Variants in PRKCA observed in about 807,000 individuals in gnomAD.
The protein encoded by PRKCA is protein kinase C alpha.
PRKCA carries 27 observed loss-of-function variants against 87.0 expected under a neutral mutation model. That is an observed-to-expected ratio of 0.31 (90% CI 0.23 to 0.43). PRKCA has a LOEUF of 0.43. Ranked by LOEUF, PRKCA falls within the 20% of genes least tolerant of loss-of-function variation. The pLI is 1.00. For missense variants in PRKCA, 518 were observed against 852.3 expected (o/e 0.61, Z 4.88); for synonymous variants, 329 against 311.1 (o/e 1.06, Z -0.61).
At chr17:66,507,536 A>G (rs1917030785) in intron 3 of PRKCA, among the ~76,000 whole-genome samples, 1 of 152,250 alleles carries the variant, frequency 6.6e-6, no homozygotes. Context: ...CTGAGACATT[A>G]ACAGTAAAAA....
At chr17:66,489,640 C>G (rs1916147073) in intron 2 of PRKCA, among the ~76,000 whole-genome samples, 1 of 151,890 alleles carries the variant, frequency 6.6e-6, no homozygotes, top group African/African-American at 2.4e-5. Flanking sequence ...TCTGAATTTT[C>G]CCTTTGTCTC....
intron 2 of PRKCA, among the ~76,000 whole-genome samples, chr17:66,313,030 C>T (rs902255202): frequency 6.6e-5 from 10 of 152,084 alleles, no homozygotes; most frequent in East Asian, 1.9e-4. Flanking sequence ...TGAGCTCCCG[C>T]GCCCCACCCT....
At chr17:66,758,202 C>A (rs9907362) in intron 13 of PRKCA, among the ~76,000 whole-genome samples, 1 of 152,186 alleles carries the variant, frequency 6.6e-6, no homozygotes, top group Non-Finnish European at 1.5e-5. Flanking sequence ...TGTTTGCAGA[C>A]TACATTCCAA....
chr17:66,334,249 A>G (rs1567776551), intron 2 of PRKCA, among the ~76,000 whole-genome samples: 1 of 152,184 alleles, frequency 6.6e-6, no homozygotes, highest in Non-Finnish European at 1.5e-5. Context: ...AACTAGGTCA[A>G]AAAACAAAAC....
chr17:66,696,849 A>G (rs972977851), intron 8 of PRKCA, among the ~76,000 whole-genome samples: 1 of 152,160 alleles, frequency 6.6e-6, no homozygotes, highest in Admixed American at 6.5e-5. Flanking sequence ...CCTGGCACCC[A>G]GGAGGCTGGG....
intron 2 of PRKCA, among the ~76,000 whole-genome samples, chr17:66,337,187 G>T (rs1416188945): frequency 6.6e-6 from 1 of 152,100 alleles, no homozygotes; most frequent in Non-Finnish European, 1.5e-5. Context: ...AGATAGGAAG[G>T]GGGCAGGCAG....
chr17:66,781,534 C>T (rs1436878869), intron 14 of PRKCA, among the ~76,000 whole-genome samples: 1 of 152,156 alleles, frequency 6.6e-6, no homozygotes, highest in Non-Finnish European at 1.5e-5. Flanking sequence ...CCAGCCTATC[C>T]TTACTGATAC....
intron 5 of PRKCA, among the ~76,000 whole-genome samples, chr17:66,656,887 GT>G (rs1452071883): frequency 6.6e-6 from 1 of 152,124 alleles, no homozygotes. Context: ...CTGTCCTATG[GT>G]CCTTTTCAAC....
At chr17:66,694,221 C>T (rs4392111) in intron 8 of PRKCA, among the ~76,000 whole-genome samples, 10,362 of 152,102 alleles carry the variant, frequency 0.068, 379 homozygotes, top group South Asian at 0.14. Context: ...CGGTGGCTCA[C>T]GCCTGTAATC....
intron 3 of PRKCA, among the ~76,000 whole-genome samples, chr17:66,512,973 G>T (rs930164244): frequency 2.6e-5 from 4 of 152,320 alleles, no homozygotes; most frequent in Non-Finnish European, 5.9e-5. Context: ...GATTGCAGGC[G>T]TGAGCCGCCG....
chr17:66,391,304 T>C (rs1598634403), intron 2 of PRKCA, among the ~76,000 whole-genome samples: 1 of 152,208 alleles, frequency 6.6e-6, no homozygotes, highest in African/African-American at 2.4e-5. Flanking sequence ...AAATATTTAC[T>C]GGTTGTGATG....
intron 2 of PRKCA, among the ~76,000 whole-genome samples, chr17:66,366,224 T>G (rs1206536737): frequency 6.6e-6 from 1 of 152,042 alleles, no homozygotes; most frequent in South Asian, 2.1e-4. Flanking sequence ...TTATTCATGA[T>G]GCAATTTACA....
At chr17:66,377,055 C>T (rs1389792258) in intron 2 of PRKCA, among the ~76,000 whole-genome samples, 1 of 151,754 alleles carries the variant, frequency 6.6e-6, no homozygotes, top group Non-Finnish European at 1.5e-5. Context: ...GATGGAGTTT[C>T]ACTCTTGTCG....
chr17:66,453,666 G>T (rs913894150), intron 2 of PRKCA, among the ~76,000 whole-genome samples: 2 of 152,168 alleles, frequency 1.3e-5, no homozygotes, highest in African/African-American at 2.4e-5. Context: ...CGCCGCCCTC[G>T]TCTGCTGTAG....
rs192364165 is a variant in PRKCA at position 66,668,503 on chromosome 17, C to T, written c.530-18608C>T. 5.7e-4 allele frequency among the ~76,000 whole-genome samples: 87 copies of T among 152,322 alleles called. No homozygotes were observed. The South Asian group carries it at 9.1e-3, about 16-fold the overall frequency. On this transcript the variant is annotated intron_variant, in intron 5 of 16. Transcript: ENST00000413366. ...CTGGCTCCAGCAAAAACACACTCGT[C>T]ATTGGACTAAGAGCCATGAACATCA...
intron 2 of PRKCA, among the ~76,000 whole-genome samples, chr17:66,313,480 C>T (rs778795513): frequency 7.0e-4 from 106 of 152,286 alleles, no homozygotes; most frequent in Non-Finnish European, 1.2e-3. Flanking sequence ...CTTAATGTGT[C>T]TTCTTTCTAT....
At chr17:66,430,086 G>A (rs915532863) in intron 2 of PRKCA, among the ~76,000 whole-genome samples, 19 of 152,038 alleles carry the variant, frequency 1.2e-4, no homozygotes, top group Admixed American at 6.5e-4. Context: ...TGAAAGTTCC[G>A]TTTTCTTTGT....
rs545626945 is a variant in PRKCA at position 66,688,990 on chromosome 17, C to T, written c.861C>T (p.Asn287=). 17 of 1,607,094 alleles carry T rather than the reference C, an allele frequency of 1.1e-5. No individual in the cohort carries two copies. Among genetic ancestry groups the T allele is most frequent in the South Asian group, 5.6e-5 (5 of 89,536 alleles). Residue 287 remains asparagine, a synonymous_variant, in exon 8 of 17, where the codon AAC becomes AAT. Coordinates refer to ENST00000413366, the MANE Select transcript of PRKCA (RefSeq NM_002737.3). Reference sequence around the variant, plus strand: ...ACCAAGAAGAAGGTGAGTACTACAACGTACCCATTCCGGAAGGGGACGAGG... The same window carrying T: ...ACCAAGAAGAAGGTGAGTACTACAATGTACCCATTCCGGAAGGGGACGAGG... ...LLNQEEGEYY[N]VPIPEGDEEG... is the part of the protein sequence containing the mutation.
At chr17:66,562,983 A>G (rs367863805) in intron 3 of PRKCA, among the ~76,000 whole-genome samples, 9 of 151,988 alleles carry the variant, frequency 5.9e-5, no homozygotes, top group African/African-American at 9.7e-5. Context: ...CTGGTTATAT[A>G]CCTATAACTG....
Sources: allele counts gnomAD v4.1 joint callset (sites outside exome capture counted in the v4.1 genomes callset), GRCh38; gene constraint gnomAD v4.1.1; transcripts MANE v1.5; gene names NCBI Gene and HGNC (gene_info 2026-07-23, HGNC 2026-07-21).